Variants in PSPC1 observed in about 807,000 individuals in gnomAD.
PSPC1 encodes the protein paraspeckle protein 1.
Under a neutral mutation model 51.6 loss-of-function variants are expected in PSPC1, and 14 were observed. That is an observed-to-expected ratio of 0.27 (90% CI 0.18 to 0.42). The LOEUF (loss-of-function observed/expected upper bound fraction) is 0.42, where lower values mean the gene tolerates loss of function less well. Ranked by LOEUF, PSPC1 falls within the 10% of genes least tolerant of loss-of-function variation. PSPC1 has a pLI of 1.00. For synonymous variants in PSPC1, 193 were observed against 231.9 expected (o/e 0.83, Z 1.53); for missense variants, 406 against 701.1 (o/e 0.58, Z 4.75).
intron 6 of PSPC1, among the ~76,000 whole-genome samples, chr13:19,727,925 A>G (rs958778533): frequency 6.6e-6 from 1 of 152,214 alleles, no homozygotes; most frequent in African/African-American, 2.4e-5. Context: ...ATACATTCTT[A>G]AGGCAGTTGA....
chr13:19,770,599 C>T (rs1429172060), intron 2 of PSPC1, among the ~76,000 whole-genome samples: 2 of 152,046 alleles, frequency 1.3e-5, no homozygotes, highest in Non-Finnish European at 2.9e-5. Flanking sequence ...ACCAGCCTGC[C>T]CAACATGGTG....
downstream of PSPC1, chr13:19,699,303 C>T (rs1273862065): frequency 1.4e-5 from 2 of 139,550 alleles, no homozygotes; most frequent in African/African-American, 4.9e-5. Flanking sequence ...ACATTAGACA[C>T]TATAAATTTT....
intron 4 of PSPC1, among the ~76,000 whole-genome samples, chr13:19,750,484 C>G (rs1370784622): frequency 6.7e-6 from 1 of 150,338 alleles, no homozygotes; most frequent in Non-Finnish European, 1.5e-5. Context: ...ATACACTTAC[C>G]AATTACTAAC....
chr13:19,689,340 AAC>A (rs1474573675), intron 6 of PSPC1, among the ~76,000 whole-genome samples: 15 of 152,250 alleles, frequency 9.9e-5, no homozygotes, highest in Admixed American at 8.5e-4. Flanking sequence ...ACACTGGGAA[AAC>A]ACACATGAAA....
Position 19,759,060 on chromosome 13 carries a change from G to A in PSPC1, c.770+263C>T, listed in dbSNP as rs546592422. On this transcript the variant is annotated intron_variant, in intron 3 of 8. Coordinates refer to ENST00000338910, the MANE Select transcript of PSPC1 (RefSeq NM_001354909.2). ...AGCTACTCAGGAGTCTGAGGCACGA[G>A]AATCACTTGAACGTGGGAGGTAGAG... is the stretch of plus-strand genomic sequence containing the variant. Among the ~76,000 whole-genome samples, 5 of 152,018 alleles carry A rather than the reference G, an allele frequency of 3.3e-5. 1 individual carries two copies. The highest frequency in any genetic ancestry group is 3.3e-4 in the Admixed American group (5 of 15,264).
intron 6 of PSPC1, among the ~76,000 whole-genome samples, chr13:19,721,982 T>C (rs570936710): frequency 6.6e-6 from 1 of 152,358 alleles, no homozygotes; most frequent in African/African-American, 2.4e-5. Context: ...TGCCAAGGTC[T>C]AGTGATCCAT....
intron 6 of PSPC1, among the ~76,000 whole-genome samples, chr13:19,717,702 T>C (rs1310120523): frequency 9.9e-6 from 1 of 101,434 alleles, no homozygotes; most frequent in African/African-American, 3.8e-5. Flanking sequence ...AAAGACTCTG[T>C]CTCAAAAAAA....
chr13:19,771,860 T>G (rs1398579336), intron 2 of PSPC1, among the ~76,000 whole-genome samples: 1 of 152,154 alleles, frequency 6.6e-6, no homozygotes, highest in East Asian at 1.9e-4. Flanking sequence ...TGACCTGAGG[T>G]GATCCGCGCA....
intron 6 of PSPC1, among the ~76,000 whole-genome samples, chr13:19,684,521 T>C (rs1188579957): frequency 6.6e-6 from 1 of 152,260 alleles, no homozygotes; most frequent in Non-Finnish European, 1.5e-5. Flanking sequence ...TAGTTTATTT[T>C]ACACCACACA....
At chr13:19,698,307 AAAAATT>A (rs1223074838), downstream of PSPC1, among the ~76,000 whole-genome samples, 3 of 152,022 alleles carry the variant, frequency 2.0e-5, no homozygotes, top group African/African-American at 4.8e-5. Context: ...AAATAAAAAT[AAAAATT>A]AAGATAAAAT....
chr13:19,717,208 T>C lies in PSPC1; in HGVS notation c.1159-7609A>G, dbSNP rs1240117853. The stretch of plus-strand genomic sequence containing the variant: ...ATTAGGCCTCTTTGCCAAGAAAGTA[T>C]TAACTCATGAAAAAAGTATTAAGAT... On this transcript the variant is annotated intron_variant, in intron 6 of 8. Transcript: ENST00000338910. Among the ~76,000 whole-genome samples, 4 of 152,270 alleles carry C rather than the reference T, an allele frequency of 2.6e-5. No homozygotes were observed. The South Asian group carries it at 6.2e-4, about 24-fold the overall frequency.
intron 1 of PSPC1, among the ~76,000 whole-genome samples, chr13:19,780,605 G>A (rs1404054017): frequency 8.4e-6 from 1 of 119,424 alleles, no homozygotes; most frequent in Admixed American, 9.7e-5. Flanking sequence ...ACAGATGCTT[G>A]AAGGCAGCAT....
In PSPC1 at chr13:19,751,285, A is replaced by G; in HGVS notation, c.953T>C (p.Met318Thr). 1 of 1,545,368 alleles carries G rather than the reference A, an allele frequency of 6.5e-7. No individual in the cohort carries two copies. The highest frequency in any genetic ancestry group is 8.7e-7 in the Non-Finnish European group (1 of 1,153,164). The change falls in exon 4 of 9, where the codon ATG becomes ACG. Residue 318 changes from methionine (M) to threonine (T), a missense_variant. By Grantham distance (81) the Met-to-Thr change is moderately conservative. Around this residue, in one of 5 missense-constraint regions of PSPC1, gnomAD observed 180 missense variants for 337.9 expected, o/e 0.53. Transcript: ENST00000338910. ...TCCATATTTACCTTGCCTCATTAGCATTAATTGGTGTTCATGCCTAGCTGC... is the reference window on the plus strand; with the variant it reads ...TCCATATTTACCTTGCCTCATTAGCGTTAATTGGTGTTCATGCCTAGCTGC... ...MEAARHEHQLMLMRQDLMRRQ... is the reference protein window; with the variant it reads ...MEAARHEHQLTLMRQDLMRRQ...
intron 1 of PSPC1, among the ~76,000 whole-genome samples, chr13:19,775,104 C>T (rs375602741): frequency 6.6e-5 from 10 of 151,904 alleles, no homozygotes; most frequent in African/African-American, 2.4e-4. Context: ...TTTAGGAGGC[C>T]GAGGCGGGCA....
chr13:19,764,771 T>C (rs1194937263), intron 2 of PSPC1, among the ~76,000 whole-genome samples: 1 of 151,924 alleles, frequency 6.6e-6, no homozygotes, highest in African/African-American at 2.4e-5. Flanking sequence ...TCTTGTTCTA[T>C]TGCCCAGGCT....
At chr13:19,684,241 AAC>A (rs768008921) in intron 6 of PSPC1, among the ~76,000 whole-genome samples, 3 of 152,180 alleles carry the variant, frequency 2.0e-5, no homozygotes, top group Admixed American at 6.5e-5. Context: ...ACAAAACAAA[AAC>A]AGTCAAGAAA....
chr13:19,776,285 A>G (rs527881201), intron 1 of PSPC1, among the ~76,000 whole-genome samples: 1 of 152,124 alleles, frequency 6.6e-6, no homozygotes, highest in Non-Finnish European at 1.5e-5. Flanking sequence ...ACATAATGAG[A>G]GAGACCTTGT....
chr13:19,766,111 G>C (rs922485452), intron 2 of PSPC1, among the ~76,000 whole-genome samples: 2 of 152,190 alleles, frequency 1.3e-5, no homozygotes, highest in African/African-American at 4.8e-5. Context: ...AGTGGCTCAC[G>C]CCTGTAATCC....
chr13:19,769,833 T>C (rs1888453198), intron 2 of PSPC1, among the ~76,000 whole-genome samples: 4 of 152,188 alleles, frequency 2.6e-5, no homozygotes, highest in African/African-American at 9.6e-5. Flanking sequence ...CACTCACTCA[T>C]TGCTGGTAGG....
Sources: gnomAD v4.1 joint callset for allele counts (sites outside exome capture counted in the v4.1 genomes callset) on GRCh38, gnomAD v4.1.1 for gene constraint, gnomAD v4.1.1 regional missense constraint, MANE v1.5 for transcripts, NCBI Gene and HGNC (gene_info 2026-07-23, HGNC 2026-07-21) for gene names.